The following UGT8 variants were observed in gnomAD, a reference collection of about 807,000 sequenced individuals.
The protein encoded by UGT8 is 2-hydroxyacylsphingosine 1-beta-galactosyltransferase.
Under a neutral mutation model 40.5 loss-of-function variants are expected in UGT8, and 12 were observed. The ratio of observed to expected loss-of-function variants is 0.30; its 90% CI spans 0.19 to 0.48. The LOEUF is 0.48. Among genes scored for constraint, UGT8 ranks in the 20% least tolerant of loss-of-function variants. The pLI is 0.99. For synonymous variants in UGT8, 224 were observed against 240.4 expected, an observed-to-expected ratio of 0.93 and a Z score of 0.63; for missense variants, 513 against 648.7, an observed-to-expected ratio of 0.79 and a Z score of 2.27.
At chr4:114,665,643 G>T in intron 3 of UGT8, 37 bp from the exon 4 acceptor site, 2 of 1,552,868 alleles carry the variant, frequency 1.3e-6, no homozygotes, top group South Asian at 1.2e-5. Flanking sequence ...AGTAAGGTTT[G>T]ATTTTTAAAA....
chr4:114,616,859 T>A (rs1409845346), intron 1 of UGT8, among the ~76,000 whole-genome samples: 1 of 152,184 alleles, frequency 6.6e-6, no homozygotes, highest in Non-Finnish European at 1.5e-5. Context: ...TATATTGGGG[T>A]GTTCCTGTAT....
At chr4:114,635,148 C>T (rs1022984347) in intron 2 of UGT8, among the ~76,000 whole-genome samples, 2 of 151,652 alleles carry the variant, frequency 1.3e-5, no homozygotes, top group Non-Finnish European at 2.9e-5. Context: ...GTCAGGAGTT[C>T]GAGACCAGCC....
At chr4:114,612,307 A>G (rs1021726968) in intron 1 of UGT8, among the ~76,000 whole-genome samples, 1 of 152,114 alleles carries the variant, frequency 6.6e-6, no homozygotes, top group Non-Finnish European at 1.5e-5. Flanking sequence ...TTAATTTTTA[A>G]TCACAGGGAA....
chr4:114,615,935 G>T (rs1244702936), intron 1 of UGT8, among the ~76,000 whole-genome samples: 3 of 148,954 alleles, frequency 2.0e-5, no homozygotes, highest in African/African-American at 5.1e-5. Flanking sequence ...AACAGCAAAT[G>T]TTGCTGCCTG....
chr4:114,633,668 A>G (rs1732714588), intron 2 of UGT8, among the ~76,000 whole-genome samples: 1 of 152,224 alleles, frequency 6.6e-6, no homozygotes, highest in South Asian at 2.1e-4. Context: ...ACTCTGGGCC[A>G]GGTATGGTGG....
intron 5 of UGT8, 160 bp from the exon 6 acceptor site, chr4:114,675,765 A>AG: frequency 2.6e-6 from 1 of 388,802 alleles, no homozygotes. Flanking sequence ...AAAAAAAAAA[A>AG]AGATAATGTG....
At chr4:114,658,669 C>A (rs1734334075) in intron 2 of UGT8, among the ~76,000 whole-genome samples, 1 of 151,806 alleles carries the variant, frequency 6.6e-6, no homozygotes, top group African/African-American at 2.4e-5. Flanking sequence ...TTACAATTTT[C>A]TTGCATTGGG....
chr4:114,665,560 TTAAGAA>T, intron 3 of UGT8, 114 bp from the exon 4 acceptor site: 1 of 1,280,660 alleles, frequency 7.8e-7, no homozygotes, highest in Non-Finnish European at 1.0e-6. Context: ...GGTTTCATTC[TTAAGAA>T]TATCAACAAA....
intron 4 of UGT8, among the ~76,000 whole-genome samples, chr4:114,666,899 T>C (rs960768446): frequency 6.6e-6 from 1 of 152,106 alleles, no homozygotes; most frequent in Non-Finnish European, 1.5e-5. Context: ...TAATAGCTTC[T>C]AACTATGATC....
chr4:114,636,309 C>CT (rs1393602803), intron 2 of UGT8, among the ~76,000 whole-genome samples: 1 of 152,162 alleles, frequency 6.6e-6, no homozygotes, highest in Admixed American at 6.5e-5. Flanking sequence ...TTGTTATTCT[C>CT]TTTAAAAAGT....
intron 1 of UGT8, among the ~76,000 whole-genome samples, chr4:114,612,803 C>T (rs1731171538): frequency 6.6e-6 from 1 of 152,100 alleles, no homozygotes; most frequent in African/African-American, 2.4e-5. Flanking sequence ...GTCTACTGAA[C>T]CACAATTTAC....
intron 2 of UGT8, among the ~76,000 whole-genome samples, chr4:114,625,780 A>G (rs1402616580): frequency 6.6e-6 from 1 of 152,122 alleles, no homozygotes; most frequent in Non-Finnish European, 1.5e-5. Flanking sequence ...TTTGTTTTAC[A>G]TGAAAAACAT....
chr4:114,654,699 A>AT (rs1734071391), intron 2 of UGT8, among the ~76,000 whole-genome samples: 2 of 152,060 alleles, frequency 1.3e-5, no homozygotes. Flanking sequence ...AGAAGGGTGC[A>AT]TTTTGCAAGA....
chr4:114,604,562 A>C (rs1222727348), intron 1 of UGT8, among the ~76,000 whole-genome samples: 1 of 151,322 alleles, frequency 6.6e-6, no homozygotes, highest in Admixed American at 6.6e-5. Context: ...TTTATATTAG[A>C]GATTAATAAA....
chr4:114,607,517 C>T (rs553596762), intron 1 of UGT8, among the ~76,000 whole-genome samples: 1 of 152,162 alleles, frequency 6.6e-6, no homozygotes, highest in East Asian at 1.9e-4. Flanking sequence ...GTCCCAGCAC[C>T]TCTCCTCTTC....
intron 2 of UGT8, among the ~76,000 whole-genome samples, chr4:114,654,008 CTCTG>C (rs1314633032): frequency 6.6e-6 from 1 of 152,040 alleles, no homozygotes; most frequent in Non-Finnish European, 1.5e-5. Context: ...CTGCACTGCG[CTCTG>C]TCTTTGTTGG....
chr4:114,615,073 A>G (rs552910288), intron 1 of UGT8, among the ~76,000 whole-genome samples: 1 of 152,224 alleles, frequency 6.6e-6, no homozygotes, highest in Non-Finnish European at 1.5e-5. Flanking sequence ...CTATTTAACA[A>G]CCAAGTAGAT....
At chr4:114,645,669 A>G (rs1733525706) in intron 2 of UGT8, among the ~76,000 whole-genome samples, 2 of 152,216 alleles carry the variant, frequency 1.3e-5, no homozygotes, top group Admixed American at 1.3e-4. Context: ...ACCTGCTTAT[A>G]CTAAAGAAGT....
intron 1 of UGT8, among the ~76,000 whole-genome samples, chr4:114,600,538 G>A (rs1260428150): frequency 6.6e-6 from 1 of 152,022 alleles, no homozygotes; most frequent in Non-Finnish European, 1.5e-5. Flanking sequence ...TTTAGGTTTT[G>A]GGGTACATGT....
Sources: gnomAD v4.1 joint callset for allele counts (sites outside exome capture counted in the v4.1 genomes callset) on GRCh38, gnomAD v4.1.1 for gene constraint, MANE v1.5 for transcripts, NCBI Gene and HGNC (gene_info 2026-07-23, HGNC 2026-07-21) for gene names.